CSMD1: variants seen among roughly 807,000 people sequenced by gnomAD.
The protein encoded by CSMD1 is CUB and sushi domain-containing protein 1.
CSMD1 carries 213 observed loss-of-function variants against 417.5 expected under a neutral mutation model. That is an observed-to-expected ratio of 0.51 (90% CI 0.46 to 0.57). The LOEUF (loss-of-function observed/expected upper bound fraction) is 0.57. Among genes scored for constraint, CSMD1 ranks in the 20% least tolerant of loss-of-function variants. The probability of loss-of-function intolerance (pLI) is 0.00; values close to 1 mark genes in which losing one functional copy is unlikely to be tolerated. For synonymous variants in CSMD1, 2,862 were observed against 1,736.8 expected (o/e 1.65, Z -16.11); for missense variants, 6,923 against 4,529.7 (o/e 1.53, Z -15.17).
At chr8:3,768,442 A>G (rs1798402676) in intron 5 of CSMD1, among the ~76,000 whole-genome samples, 1 of 152,190 alleles carries the variant, frequency 6.6e-6, no homozygotes, top group African/African-American at 2.4e-5. Context: ...GATTACTGTA[A>G]CCAGAAAATA....
At position 3,081,506 on chromosome 8, in the gene CSMD1, T is replaced by C. The variant is rs191123908; in HGVS notation, c.7474+5591A>G. ...TTCAAATAAAAATTTTCAAATAAAA[T>C]AATTAAATAACTATGATGACCTTTA... On this transcript the variant is annotated intron_variant, in intron 49 of 69. Transcript: ENST00000635120. Among the ~76,000 whole-genome samples the C allele has an allele frequency of 1.2e-4, 18 of 152,322 alleles. No homozygotes were observed. The East Asian group carries it at 2.3e-3, about 20-fold the overall frequency.
intron 1 of CSMD1, among the ~76,000 whole-genome samples, chr8:4,639,946 G>A (rs1053775947): frequency 1.3e-5 from 2 of 152,108 alleles, no homozygotes; most frequent in African/African-American, 4.8e-5. Context: ...GTTTTGAAAG[G>A]TTTTTAAAGA....
intron 11 of CSMD1, among the ~76,000 whole-genome samples, chr8:3,476,403 G>T (rs1051720753): frequency 1.3e-5 from 2 of 152,114 alleles, no homozygotes; most frequent in Non-Finnish European, 2.9e-5. Flanking sequence ...TATGAATAGA[G>T]TTACTATAAA....
chr8:3,551,594 ATATTTTT>A (rs1269655216), intron 10 of CSMD1, among the ~76,000 whole-genome samples: 1 of 103,762 alleles, frequency 9.6e-6, no homozygotes, highest in African/African-American at 4.7e-5. Flanking sequence ...ATATATATAT[ATATTTTT>A]TTTTTTTTTT....
At chr8:4,385,943 C>T (rs1803418918) in intron 3 of CSMD1, among the ~76,000 whole-genome samples, 2 of 152,210 alleles carry the variant, frequency 1.3e-5, no homozygotes, top group African/African-American at 4.8e-5. Context: ...CCTCAACATT[C>T]AGATACCCAA....
intron 3 of CSMD1, among the ~76,000 whole-genome samples, chr8:4,063,498 A>G (rs1385352161): frequency 6.6e-6 from 1 of 152,176 alleles, no homozygotes; most frequent in Non-Finnish European, 1.5e-5. Context: ...AAATAAAACA[A>G]AACAGAACTA....
Position 3,108,585 on chromosome 8 carries a change from G to C in CSMD1, c.6754+18C>G, listed in dbSNP as rs150273067. ...ATGGAATTCTCAGTCTTAACTAACG[G>C]AGTGAAAATCAACTGACCGTGGAAA... On this transcript the variant is annotated intron_variant, in intron 44 of 69. Coordinates refer to ENST00000635120, the MANE Select transcript of CSMD1 (RefSeq NM_033225.6). The C allele has an allele frequency of 1.2e-6, 2 of 1,612,622 alleles. No individual in the cohort carries two copies. Among genetic ancestry groups the C allele is most frequent in the African/African-American group, 1.3e-5 (1 of 75,014 alleles).
chr8:2,994,145 C>CAAAAAA lies in CSMD1; in HGVS notation c.8377+3860_8377+3865dup, dbSNP rs35438493. Among the ~76,000 whole-genome samples, 27 of 30,520 alleles carry CAAAAAA rather than the reference C, an allele frequency of 8.8e-4. 3 individuals are homozygous for CAAAAAA. The highest frequency in any genetic ancestry group is 5.5e-3 in the African/African-American group (23 of 4,196). The allele number at this position is 30,520 out of a possible 152,430, so 20.0% of individuals were successfully genotyped here. A position where few individuals can be genotyped will look rare whatever the true frequency, so the allele number is the denominator to read the frequency against. ...TGGGCAACAGAGCAAAACTCCATCT[C>CAAAAAA]AAAAAAAAAAAAAAAAAAAAAAAAA... On this transcript the variant is annotated intron_variant, in intron 54 of 69. Transcript: ENST00000635120.
chr8:4,396,795 G>C (rs556745245), intron 3 of CSMD1, among the ~76,000 whole-genome samples: 10 of 152,106 alleles, frequency 6.6e-5, no homozygotes, highest in African/African-American at 1.4e-4. Flanking sequence ...ACCAAACATC[G>C]TATGTTCTCA....
Position 3,931,932 on chromosome 8 carries a change from T to C in CSMD1, c.818+65971A>G, listed in dbSNP as rs571545658. Among the ~76,000 whole-genome samples the C allele has an allele frequency of 8.7e-5, 13 of 148,986 alleles. 1 individual carries two copies. Among genetic ancestry groups the C allele is most frequent in the African/African-American group, 3.0e-4 (12 of 40,448 alleles). On this transcript the variant is annotated intron_variant, in intron 5 of 69. Transcript: ENST00000635120. The stretch of plus-strand genomic sequence containing the variant: ...AAAAAAAAAAGATCACAGAACCCAA[T>C]TGTAGCTGTAGAATCTAAAAAGGAC...
chr8:2,965,307 C>T (rs976642860), intron 59 of CSMD1, among the ~76,000 whole-genome samples: 5 of 152,146 alleles, frequency 3.3e-5, no homozygotes, highest in African/African-American at 1.2e-4. Context: ...TCTTCAGTCT[C>T]GGCAACCAAA....
intron 10 of CSMD1, among the ~76,000 whole-genome samples, chr8:3,496,790 A>T (rs1030112432): frequency 6.6e-6 from 1 of 152,136 alleles, no homozygotes; most frequent in Non-Finnish European, 1.5e-5. Context: ...CACCACCGCC[A>T]CTGCACTCCA....
intron 25 of CSMD1, among the ~76,000 whole-genome samples, chr8:3,292,320 A>C (rs1289856795): frequency 6.6e-6 from 1 of 151,852 alleles, no homozygotes; most frequent in Non-Finnish European, 1.5e-5. Context: ...TGGGGTGGAG[A>C]GTTCTGTAGA....
At chr8:3,806,126 G>C (rs753934411) in intron 5 of CSMD1, among the ~76,000 whole-genome samples, 4 of 152,094 alleles carry the variant, frequency 2.6e-5, no homozygotes, top group African/African-American at 4.8e-5. Flanking sequence ...ATTTATGAAA[G>C]CATCAAAACA....
At chr8:4,105,240 T>C (rs1801508060) in intron 3 of CSMD1, among the ~76,000 whole-genome samples, 1 of 152,150 alleles carries the variant, frequency 6.6e-6, no homozygotes, top group Non-Finnish European at 1.5e-5. Flanking sequence ...AAGGAAACCC[T>C]AAATATTGAT....
At chr8:4,085,732 A>C (rs1214259216) in intron 3 of CSMD1, among the ~76,000 whole-genome samples, 2 of 152,190 alleles carry the variant, frequency 1.3e-5, no homozygotes, top group Non-Finnish European at 2.9e-5. Flanking sequence ...AAATGACCTA[A>C]TAGTAAAAAT....
intron 5 of CSMD1, among the ~76,000 whole-genome samples, chr8:3,774,234 A>C (rs1745977813): frequency 6.6e-6 from 1 of 152,138 alleles, no homozygotes; most frequent in Non-Finnish European, 1.5e-5. Flanking sequence ...TTTTGGCTCA[A>C]ATGCCACTTG....
intron 3 of CSMD1, among the ~76,000 whole-genome samples, chr8:4,376,441 T>G (rs1282889196): frequency 2.6e-5 from 4 of 152,218 alleles, no homozygotes; most frequent in African/African-American, 9.6e-5. Context: ...TCAAAATATT[T>G]TCGGCTTATT....
At chr8:4,306,860 T>C (rs555346769) in intron 3 of CSMD1, among the ~76,000 whole-genome samples, 3 of 151,494 alleles carry the variant, frequency 2.0e-5, no homozygotes, top group Non-Finnish European at 4.4e-5. Flanking sequence ...AATTTTTCAA[T>C]CTCTTTTTGC....
Sources: gnomAD v4.1 joint callset for allele counts (sites outside exome capture counted in the v4.1 genomes callset) on GRCh38, gnomAD v4.1.1 for gene constraint, MANE v1.5 for transcripts, NCBI Gene and HGNC (gene_info 2026-07-23, HGNC 2026-07-21) for gene names.